Variants in LRRC49 observed in about 807,000 individuals in gnomAD.
LRRC49 encodes leucine-rich repeat-containing protein 49.
In LRRC49, 50 loss-of-function variants were observed where a neutral mutation model predicts 83.3. The ratio of observed to expected loss-of-function variants is 0.60; its 90% CI spans 0.48 to 0.76. LRRC49 has a LOEUF of 0.76. LRRC49 is among the 30% of genes least tolerant of loss of function. LRRC49 has a pLI of 0.00. For synonymous variants in LRRC49, 286 were observed against 283.3 expected, an observed-to-expected ratio of 1.01 and a Z score of -0.10; for missense variants, 704 against 809.1, an observed-to-expected ratio of 0.87 and a Z score of 1.58.
chr15:70,905,936 T>G (rs1225639629), intron 5 of LRRC49, among the ~76,000 whole-genome samples: 1 of 152,096 alleles, frequency 6.6e-6, no homozygotes, highest in East Asian at 1.9e-4. Context: ...CAGAGAATTC[T>G]TTTTATGGCC....
At chr15:71,030,563 G>T (rs1005448434) in intron 14 of LRRC49, among the ~76,000 whole-genome samples, 1 of 152,146 alleles carries the variant, frequency 6.6e-6, no homozygotes, top group Non-Finnish European at 1.5e-5. Context: ...ATGTTGGCCT[G>T]TCTTGCTAGG....
intron 6 of LRRC49, 22 bp downstream of exon 6, chr15:70,911,620 T>A: frequency 6.9e-7 from 1 of 1,447,760 alleles, no homozygotes; most frequent in Non-Finnish European, 9.3e-7. Flanking sequence ...CCCTTTCATT[T>A]CTTTCTTTTT....
At chr15:70,925,918 C>T (rs2035179075) in intron 7 of LRRC49, among the ~76,000 whole-genome samples, 1 of 152,118 alleles carries the variant, frequency 6.6e-6, no homozygotes, top group Non-Finnish European at 1.5e-5. Flanking sequence ...TTTCTATCAC[C>T]TCAGAAAGTT....
At chr15:70,964,428 T>C (rs2036720599) in intron 9 of LRRC49, among the ~76,000 whole-genome samples, 1 of 152,254 alleles carries the variant, frequency 6.6e-6, no homozygotes, top group Admixed American at 6.5e-5. Flanking sequence ...TACTACACCT[T>C]AGAAAATAAG....
rs1007809636 is a variant in LRRC49 at position 71,051,649 on chromosome 15, A to G, written c.*2037A>G. ...GATGAATGGACCTAGCTGTTTAGTA[A>G]TCTGTCCAGCTTCCTGCATGTCTGT... On this transcript the variant is annotated 3_prime_UTR_variant, in exon 16 of 16. Coordinates refer to ENST00000260382, the MANE Select transcript of LRRC49 (RefSeq NM_017691.5). 6.6e-6 allele frequency: 1 copy of G among 152,210 alleles called. No homozygotes were observed. Among genetic ancestry groups the G allele is most frequent in the East Asian group, 1.9e-4 (1 of 5,190 alleles). 9.4% of individuals were successfully genotyped at this position (152,210 alleles called of 1,614,324 possible).
At chr15:70,949,259 A>G (rs1328077643) in intron 8 of LRRC49, among the ~76,000 whole-genome samples, 1 of 152,186 alleles carries the variant, frequency 6.6e-6, no homozygotes, top group African/African-American at 2.4e-5. Flanking sequence ...CTGAGTAACA[A>G]CATTTTGGTC....
chr15:70,911,543 T>A lies in LRRC49; in HGVS notation c.512T>A (p.Ile171Asn). ...ATTCTGGTTTTCAGAATCAAGAAAA[T>A]CTCAAATCTGGAGAATCTAAAAAGC... ...LLLGKNRIKK[I>N]SNLENLKSLD... The change falls in exon 6 of 16, where the codon ATC (isoleucine) becomes AAC (asparagine). Residue 171 changes from isoleucine to asparagine, a missense_variant. Physicochemically the swap from Ile to Asn is moderately radical, Grantham distance 149 (BLOSUM62 -3). This residue lies in a region of LRRC49 where 261 missense variants were observed against 330.5 expected (regional missense o/e 0.79). Coordinates refer to ENST00000260382, the MANE Select transcript of LRRC49 (RefSeq NM_017691.5). The A allele has an allele frequency of 6.3e-7, 1 of 1,578,126 alleles. No homozygotes were observed. Among genetic ancestry groups the A allele is most frequent in the East Asian group, 2.3e-5 (1 of 44,054 alleles).
At chr15:70,892,745 A>C (rs928177435), upstream of LRRC49, 128 of 1,540,544 alleles carry the variant, frequency 8.3e-5, 1 homozygote, top group South Asian at 2.0e-4. Context: ...GGCTCTATCG[A>C]TTCGGGAGAG....
intron 8 of LRRC49, among the ~76,000 whole-genome samples, chr15:70,945,611 C>T (rs1342497229): frequency 2.3e-4 from 29 of 127,720 alleles, no homozygotes; most frequent in African/African-American, 8.5e-4. Flanking sequence ...AATTTGTTTC[C>T]TTTTTATTTG....
intron 4 of LRRC49, among the ~76,000 whole-genome samples, 181 bp from the exon 5 acceptor site, chr15:70,904,371 C>CT (rs1327479959): frequency 2.0e-5 from 3 of 151,978 alleles, no homozygotes; most frequent in Non-Finnish European, 4.4e-5. Context: ...AGTCTATTGG[C>CT]TTTTTTTGTG....
chr15:70,973,903 C>T (rs890568284), intron 9 of LRRC49, among the ~76,000 whole-genome samples: 1 of 151,802 alleles, frequency 6.6e-6, no homozygotes, highest in African/African-American at 2.4e-5. Flanking sequence ...TTGAGGTGGG[C>T]GGATCACAAG....
chr15:70,958,653 T>C (rs1453579685), intron 8 of LRRC49, among the ~76,000 whole-genome samples: 33 of 152,236 alleles, frequency 2.2e-4, no homozygotes, highest in Admixed American at 2.1e-3. Flanking sequence ...AGCTTGTTTA[T>C]ACTTTAAGTG....
chr15:71,008,217 AC>A (rs1409321467), intron 11 of LRRC49, among the ~76,000 whole-genome samples, 161 bp from the exon 12 acceptor site: 2 of 151,940 alleles, frequency 1.3e-5, no homozygotes, highest in African/African-American at 4.8e-5. Context: ...ATAATACAAA[AC>A]TGCTAGATAG....
At chr15:70,864,410 G>A (rs1362709314) in intron 1 of LRRC49, among the ~76,000 whole-genome samples, 2 of 151,824 alleles carry the variant, frequency 1.3e-5, no homozygotes, top group African/African-American at 4.8e-5. Flanking sequence ...GGAAGAGCAG[G>A]GCCCTGGAGT....
At chr15:70,944,965 T>C (rs1294331728) in intron 8 of LRRC49, among the ~76,000 whole-genome samples, 2 of 152,212 alleles carry the variant, frequency 1.3e-5, no homozygotes, top group Admixed American at 1.3e-4. Context: ...TAGATACTCT[T>C]CATCTCACAG....
intron 6 of LRRC49, among the ~76,000 whole-genome samples, chr15:70,915,877 A>G (rs1488813640): frequency 1.3e-5 from 2 of 152,164 alleles, no homozygotes; most frequent in East Asian, 3.8e-4. Context: ...TATAATAAAC[A>G]TGTTTCTTTT....
At chr15:71,036,554 A>G (rs561229288) in intron 14 of LRRC49, among the ~76,000 whole-genome samples, 120 of 152,280 alleles carry the variant, frequency 7.9e-4, no homozygotes, top group African/African-American at 2.7e-3. Flanking sequence ...TGGAGGACGA[A>G]TCATGGCTGA....
chr15:70,869,297 T>C (rs916808728), intron 1 of LRRC49, among the ~76,000 whole-genome samples: 1 of 152,200 alleles, frequency 6.6e-6, no homozygotes, highest in African/African-American at 2.4e-5. Context: ...ATATTTGTTC[T>C]ATAGATGCCA....
intron 5 of LRRC49, 37 bp downstream of exon 5, chr15:70,904,792 A>G (rs1567044747): frequency 2.1e-6 from 3 of 1,449,126 alleles, no homozygotes; most frequent in Admixed American, 3.6e-5. Context: ...GCCTAATGTT[A>G]TGTGTAGGAT....
Sources: allele counts gnomAD v4.1 joint callset (sites outside exome capture counted in the v4.1 genomes callset), GRCh38; gene constraint gnomAD v4.1.1; regional missense constraint gnomAD v4.1.1; transcripts MANE v1.5; gene names NCBI Gene and HGNC (gene_info 2026-07-23, HGNC 2026-07-21).